Variants in PARG observed in about 807,000 individuals in gnomAD.
PARG encodes mitochondrial poly(ADP-ribose) glycohydrolase.
Under a neutral mutation model 113.0 loss-of-function variants are expected in PARG, and 35 were observed. The ratio of observed to expected loss-of-function variants is 0.31; its 90% CI spans 0.24 to 0.41. The LOEUF (loss-of-function observed/expected upper bound fraction) is 0.41, where lower values mean the gene tolerates loss of function less well. Ranked by LOEUF, PARG falls within the 10% of genes least tolerant of loss-of-function variation. PARG has a pLI of 1.00. For missense variants in PARG, 797 were observed against 1,169.4 expected, an observed-to-expected ratio of 0.68 and a Z score of 4.64; for synonymous variants, 330 against 409.9, an observed-to-expected ratio of 0.81 and a Z score of 2.36.
chr10:49,835,694 C>G (rs1239584989), intron 15 of PARG, among the ~76,000 whole-genome samples: 1 of 151,860 alleles, frequency 6.6e-6, no homozygotes, highest in Non-Finnish European at 1.5e-5. Flanking sequence ...CAAAATGAGG[C>G]CCAGGAAAGA....
At chr10:49,825,378 G>A (rs1054732986) in intron 16 of PARG, among the ~76,000 whole-genome samples, 1 of 152,064 alleles carries the variant, frequency 6.6e-6, no homozygotes, top group Non-Finnish European at 1.5e-5. Context: ...CAGCCAATAC[G>A]GATTAAATAA....
At chr10:49,911,636 C>A (rs1293420579) in intron 7 of PARG, among the ~76,000 whole-genome samples, 3 of 152,206 alleles carry the variant, frequency 2.0e-5, no homozygotes, top group Non-Finnish European at 4.4e-5. Flanking sequence ...TCTCTGTGAT[C>A]TTTGCTGGTT....
intron 7 of PARG, among the ~76,000 whole-genome samples, chr10:49,886,700 G>A (rs538897807): frequency 2.6e-5 from 4 of 152,274 alleles, no homozygotes; most frequent in Non-Finnish European, 5.9e-5. Context: ...TAATTGAAAT[G>A]AGTATGAAAA....
intron 8 of PARG, among the ~76,000 whole-genome samples, chr10:49,881,485 G>C (rs1331633849): frequency 6.6e-6 from 1 of 152,170 alleles, no homozygotes; most frequent in Non-Finnish European, 1.5e-5. Context: ...AGAATATTTA[G>C]AGATGCATTT....
chr10:49,901,433 G>T (rs1554843756), intron 7 of PARG, among the ~76,000 whole-genome samples: 1 of 147,510 alleles, frequency 6.8e-6, no homozygotes, highest in African/African-American at 2.5e-5. Context: ...TTTTATGGTA[G>T]TTCAAGGACA....
At chr10:49,878,697 G>C (rs1464761371) in intron 9 of PARG, among the ~76,000 whole-genome samples, 3 of 151,922 alleles carry the variant, frequency 2.0e-5, no homozygotes, top group Admixed American at 6.6e-5. Context: ...ACAAAAGTGG[G>C]TTTTGTTTGT....
chr10:49,885,064 CT>C (rs1472863837), intron 8 of PARG, 138 bp downstream of exon 8: 2 of 681,074 alleles, frequency 2.9e-6, no homozygotes, highest in African/African-American at 4.1e-5. Context: ...TTCTTCTCTT[CT>C]CTTCCTCTCT....
At chr10:49,824,352 A>C (rs1844247841) in intron 16 of PARG, among the ~76,000 whole-genome samples, 2 of 152,202 alleles carry the variant, frequency 1.3e-5, no homozygotes, top group East Asian at 1.9e-4. Context: ...CTCTTGCATC[A>C]AAAGTTAGAA....
At chr10:49,917,687 C>T (rs1422566776) in intron 6 of PARG, among the ~76,000 whole-genome samples, 2 of 149,928 alleles carry the variant, frequency 1.3e-5, no homozygotes, top group Non-Finnish European at 3.0e-5. Context: ...CATGGTGGTG[C>T]GTGCCTGCAG....
chr10:49,899,758 G>A (rs59023761), intron 7 of PARG, among the ~76,000 whole-genome samples: 9,895 of 152,050 alleles, frequency 0.065, 559 homozygotes, highest in African/African-American at 0.15. Flanking sequence ...TGGCTGTGCT[G>A]AGGATCACCT....
chr10:49,919,846 G>T (rs1308934299), intron 6 of PARG, among the ~76,000 whole-genome samples: 1 of 152,072 alleles, frequency 6.6e-6, no homozygotes, highest in East Asian at 1.9e-4. Flanking sequence ...GTGCCACTGC[G>T]ATCTGATGTT....
chr10:49,931,228 A>G (rs1838462166), intron 4 of PARG, among the ~76,000 whole-genome samples: 1 of 152,106 alleles, frequency 6.6e-6, no homozygotes, highest in East Asian at 1.9e-4. Flanking sequence ...TTTTGTTACA[A>G]TGTTGTTATA....
chr10:49,861,050 G>A (rs1554835847), intron 12 of PARG, among the ~76,000 whole-genome samples: 1 of 151,410 alleles, frequency 6.6e-6, no homozygotes, highest in Non-Finnish European at 1.5e-5. Context: ...GCTTTTAACA[G>A]GGAAAAGACA....
At chr10:49,851,945 T>G (rs1294930821) in intron 13 of PARG, among the ~76,000 whole-genome samples, 4 of 150,308 alleles carry the variant, frequency 2.7e-5, no homozygotes, top group Non-Finnish European at 4.5e-5. Context: ...TTGCATGACC[T>G]GTTTCATATT....
intron 4 of PARG, among the ~76,000 whole-genome samples, chr10:49,924,624 G>T (rs1588999636): frequency 6.7e-6 from 1 of 150,234 alleles, no homozygotes; most frequent in South Asian, 2.1e-4. Context: ...TGATGGGAAC[G>T]GGTGGTTGGA....
At chr10:49,838,664 G>T (rs1390126346) in intron 15 of PARG, among the ~76,000 whole-genome samples, 2 of 151,882 alleles carry the variant, frequency 1.3e-5, no homozygotes, top group East Asian at 3.9e-4. Context: ...GCCTCATAGA[G>T]AGTAAACAAT....
At chr10:49,893,090 G>A (rs1245953496) in intron 7 of PARG, among the ~76,000 whole-genome samples, 5 of 152,010 alleles carry the variant, frequency 3.3e-5, no homozygotes, top group Admixed American at 6.6e-5. Context: ...CTCATAGGTA[G>A]GTAGAGAAAG....
At chr10:49,824,458 A>G (rs1206193808) in intron 16 of PARG, among the ~76,000 whole-genome samples, 4 of 152,236 alleles carry the variant, frequency 2.6e-5, no homozygotes, top group African/African-American at 9.6e-5. Flanking sequence ...ATGTGCCAAA[A>G]TAATCACTTA....
At chr10:49,941,268 G>A (rs1486004755) in intron 1 of PARG, among the ~76,000 whole-genome samples, 4 of 152,122 alleles carry the variant, frequency 2.6e-5, no homozygotes, top group African/African-American at 9.7e-5. Context: ...AACAGGTGGT[G>A]GAGTCTCCTG....
Sources: allele counts gnomAD v4.1 joint callset (sites outside exome capture counted in the v4.1 genomes callset), GRCh38; gene constraint gnomAD v4.1.1; transcripts MANE v1.5; gene names NCBI Gene and HGNC (gene_info 2026-07-23, HGNC 2026-07-21).